Variants in RALGPS1 observed in about 807,000 individuals in gnomAD.
RALGPS1 encodes the protein ras-specific guanine nucleotide-releasing factor RalGPS1.
In RALGPS1, 19 loss-of-function variants were observed where a neutral mutation model predicts 78.8. The observed-to-expected ratio is 0.24, with a 90% CI of 0.17 to 0.35. The LOEUF is 0.35. RALGPS1 is among the 10% of genes least tolerant of loss of function. The pLI, the probability that RALGPS1 is intolerant of heterozygous loss-of-function variation, is 1.00. For missense variants in RALGPS1, 454 were observed against 688.3 expected, an observed-to-expected ratio of 0.66 and a Z score of 3.81; for synonymous variants, 228 against 256.3, an observed-to-expected ratio of 0.89 and a Z score of 1.06.
At chr9:126,977,586 T>G (rs2132660666) in intron 3 of RALGPS1, 109 bp from the exon 4 acceptor site, 1 of 669,140 alleles carries the variant, frequency 1.5e-6, no homozygotes, top group Non-Finnish European at 2.3e-6. Context: ...GTTTTTTATC[T>G]CAAAGGGGAA....
intron 4 of RALGPS1, among the ~76,000 whole-genome samples, chr9:127,004,682 G>C (rs1040519531): frequency 6.6e-6 from 1 of 152,042 alleles, no homozygotes; most frequent in Non-Finnish European, 1.5e-5. Context: ...TTTGATCTTA[G>C]CTTAAGTTGG....
chr9:127,167,554 C>T (rs758893725), intron 9 of RALGPS1, among the ~76,000 whole-genome samples: 2 of 152,170 alleles, frequency 1.3e-5, no homozygotes, highest in Non-Finnish European at 2.9e-5. Flanking sequence ...TAGCACAGTC[C>T]CTGGCATTTC....
At chr9:127,119,086 G>A (rs2055769795) in intron 8 of RALGPS1, among the ~76,000 whole-genome samples, 1 of 152,128 alleles carries the variant, frequency 6.6e-6, no homozygotes, top group Admixed American at 6.5e-5. Context: ...GAGTTTCCTG[G>A]TGCTGATGTG....
At chr9:127,152,967 T>G (rs1564675360) in intron 8 of RALGPS1, among the ~76,000 whole-genome samples, 1 of 152,198 alleles carries the variant, frequency 6.6e-6, no homozygotes, top group African/African-American at 2.4e-5. Flanking sequence ...GAAAGCAAGG[T>G]CCCAGGAGTT....
At chr9:127,174,249 A>AG in intron 10 of RALGPS1, among the ~76,000 whole-genome samples, 1 of 151,480 alleles carries the variant, frequency 6.6e-6, no homozygotes, top group African/African-American at 2.4e-5. Context: ...AGAGAGAGAG[A>AG]AAAGAAAGAA....
intron 5 of RALGPS1, among the ~76,000 whole-genome samples, chr9:127,046,892 A>T (rs920836245): frequency 6.6e-6 from 1 of 152,134 alleles, no homozygotes; most frequent in Non-Finnish European, 1.5e-5. Flanking sequence ...AAGTTAACTG[A>T]AAAAAAGCAA....
intron 1 of RALGPS1, among the ~76,000 whole-genome samples, chr9:126,958,158 T>TATAC (rs1345241110): frequency 1.7e-5 from 2 of 121,066 alleles, no homozygotes; most frequent in African/African-American, 5.5e-5. Flanking sequence ...TATATATATA[T>TATAC]ACACACACAC....
chr9:127,142,871 C>T lies in RALGPS1; in HGVS notation c.611-23198C>T, dbSNP rs779830329. Among the ~76,000 whole-genome samples, 45 of 152,122 alleles carry T rather than the reference C, an allele frequency of 3.0e-4. 1 individual carries two copies. Among genetic ancestry groups the T allele is most frequent in the Non-Finnish European group, 2.6e-4 (18 of 68,006 alleles). ...TACTCTGATAATAATTAAATCTGGACGGTAAATAACAATTATTAGAAGAAA... is the reference window on the plus strand; with the variant it reads ...TACTCTGATAATAATTAAATCTGGATGGTAAATAACAATTATTAGAAGAAA... On this transcript the variant is annotated intron_variant, in intron 8 of 18. Coordinates refer to ENST00000259351, the MANE Select transcript of RALGPS1 (RefSeq NM_014636.3).
intron 4 of RALGPS1, among the ~76,000 whole-genome samples, chr9:126,985,363 G>A (rs2041701143): frequency 2.6e-5 from 4 of 152,178 alleles, no homozygotes; most frequent in Non-Finnish European, 5.9e-5. Context: ...AGACCTATGA[G>A]CATGAAATAA....
chr9:126,955,973 C>CT (rs1347274387), intron 1 of RALGPS1, among the ~76,000 whole-genome samples: 1 of 152,348 alleles, frequency 6.6e-6, no homozygotes, highest in East Asian at 1.9e-4. Context: ...GGCTGCTCTC[C>CT]TTTTCTTTCA....
chr9:127,134,434 C>T (rs2057254539), intron 8 of RALGPS1, among the ~76,000 whole-genome samples: 3 of 152,200 alleles, frequency 2.0e-5, no homozygotes, highest in African/African-American at 7.2e-5. Context: ...AGACCCCTTT[C>T]ATTACCTCTT....
intron 1 of RALGPS1, among the ~76,000 whole-genome samples, chr9:126,950,785 A>G (rs1306607654): frequency 3.9e-5 from 6 of 151,902 alleles, no homozygotes; most frequent in Middle Eastern, 3.2e-3. Context: ...CACATTCAAA[A>G]GCTAGCAGAA....
chr9:127,044,066 C>CA (rs1223952282), intron 5 of RALGPS1, among the ~76,000 whole-genome samples: 5 of 152,130 alleles, frequency 3.3e-5, no homozygotes, highest in African/African-American at 7.2e-5. Context: ...TATCCACACA[C>CA]AAAAAACAGC....
chr9:127,091,499 C>A lies in RALGPS1; in HGVS notation c.610+22143C>A, dbSNP rs1213946187. 2.0e-5 allele frequency among the ~76,000 whole-genome samples: 3 copies of A among 152,124 alleles called. No homozygotes were observed. The highest frequency in any genetic ancestry group is 7.2e-5 in the African/African-American group (3 of 41,490). ...CTGTGACCCAGCTTTGTGAAGGGGA[C>A]CTGTGGGCAGGAGAAGGGACCCTCA... On this transcript the variant is annotated intron_variant, in intron 8 of 18. Coordinates refer to ENST00000259351, the MANE Select transcript of RALGPS1 (RefSeq NM_014636.3). The surrounding 1 kb of genome is among the most constrained non-coding windows in gnomAD (Gnocchi z 4.3).
chr9:127,033,194 G>A (rs2046569909), intron 4 of RALGPS1, among the ~76,000 whole-genome samples: 2 of 152,208 alleles, frequency 1.3e-5, no homozygotes, highest in African/African-American at 4.8e-5. Context: ...CTTAAGGACA[G>A]AAGTGAGGCA....
chr9:127,026,675 G>A (rs1050070661), intron 4 of RALGPS1, among the ~76,000 whole-genome samples: 4 of 151,818 alleles, frequency 2.6e-5, no homozygotes, highest in Admixed American at 1.3e-4. Context: ...TTTTCCTTCC[G>A]TTCTGTTGGC....
At chr9:126,931,871 A>G (rs2131154055) in intron 1 of RALGPS1, among the ~76,000 whole-genome samples, 1 of 152,370 alleles carries the variant, frequency 6.6e-6, no homozygotes, top group South Asian at 2.1e-4. Context: ...ACCAGCCATC[A>G]TCTCATTGTC....
chr9:127,155,562 T>C (rs1259403508), intron 8 of RALGPS1, among the ~76,000 whole-genome samples: 1 of 152,148 alleles, frequency 6.6e-6, no homozygotes, highest in Non-Finnish European at 1.5e-5. Flanking sequence ...CCCAGAAACC[T>C]TGGATGCTGT....
intron 11 of RALGPS1, among the ~76,000 whole-genome samples, chr9:127,190,979 A>G (rs2060996992): frequency 6.6e-6 from 1 of 152,106 alleles, no homozygotes; most frequent in Non-Finnish European, 1.5e-5. Context: ...CATTTCCATT[A>G]TTACCAGTGG....
Sources: allele counts gnomAD v4.1 joint callset (sites outside exome capture counted in the v4.1 genomes callset), GRCh38; gene constraint gnomAD v4.1.1; non-coding constraint Gnocchi (gnomAD v3.1); transcripts MANE v1.5; gene names NCBI Gene and HGNC (gene_info 2026-07-23, HGNC 2026-07-21).